SLC7A9: variants seen among roughly 807,000 people sequenced by gnomAD.
The protein encoded by SLC7A9 is B(0,+)-type amino acid transporter 1.
SLC7A9 carries 38 observed loss-of-function variants against 54.1 expected under a neutral mutation model. The observed-to-expected ratio is 0.70, with a 90% CI of 0.54 to 0.92. The LOEUF (loss-of-function observed/expected upper bound fraction) is 0.92. Among genes scored for constraint, SLC7A9 ranks in the 40% least tolerant of loss-of-function variants. The probability of loss-of-function intolerance (pLI) is 0.00; values close to 1 mark genes in which losing one functional copy is unlikely to be tolerated. For synonymous variants in SLC7A9, 264 were observed against 258.9 expected, an observed-to-expected ratio of 1.02 and a Z score of -0.19; for missense variants, 537 against 636.1, an observed-to-expected ratio of 0.84 and a Z score of 1.68.
chr19:32,846,760 G>A (rs1968309220), intron 9 of SLC7A9, among the ~76,000 whole-genome samples: 1 of 152,308 alleles, frequency 6.6e-6, no homozygotes, highest in Admixed American at 6.5e-5. Context: ...TAACTGGGAG[G>A]CAACCCCCCA....
intron 9 of SLC7A9, among the ~76,000 whole-genome samples, chr19:32,851,914 T>C (rs1469677798): frequency 6.6e-6 from 1 of 151,630 alleles, no homozygotes; most frequent in African/African-American, 2.4e-5. Flanking sequence ...AGCAAACTAT[T>C]GCAAGGACAA....
At chr19:32,830,730 C>T (rs902400582) in intron 12 of SLC7A9, 46 bp from the exon 13 acceptor site, 21 of 1,505,034 alleles carry the variant, frequency 1.4e-5, no homozygotes, top group South Asian at 1.2e-4. Context: ...GACTGAAATT[C>T]GAAAGTTTCA....
In SLC7A9 at chr19:32,852,184, T is replaced by TA. The variant is rs200269134; in HGVS notation, c.977+6255dup. Among the ~76,000 whole-genome samples, 473 of 150,668 alleles carry TA rather than the reference T, an allele frequency of 3.1e-3. 6 individuals carry two copies. The highest frequency in any genetic ancestry group is 0.011 in the African/African-American group (444 of 41,056). ...ACTTAAAGTGTAATAATAATAAAATTAAAAAAAAAGAAGAATTGATATCAG... is the reference window on the plus strand; with the variant it reads ...ACTTAAAGTGTAATAATAATAAAATTAAAAAAAAAAGAAGAATTGATATCAG... On this transcript the variant is annotated intron_variant, in intron 9 of 12. Transcript: ENST00000023064.
chr19:32,855,658 T>C (rs375094367), intron 9 of SLC7A9, among the ~76,000 whole-genome samples: 52 of 151,696 alleles, frequency 3.4e-4, no homozygotes, highest in East Asian at 5.8e-4. Flanking sequence ...GCCGAGATCA[T>C]GCCACTGCAC....
At chr19:32,865,096 G>T (rs557005959) in intron 2 of SLC7A9, among the ~76,000 whole-genome samples, 50 of 152,296 alleles carry the variant, frequency 3.3e-4, no homozygotes, top group African/African-American at 1.2e-3. Context: ...CCTGGCTCAG[G>T]TTCCACGTGC....
rs188844559 is a variant in SLC7A9 at position 32,853,312 on chromosome 19, G to A, written c.977+5128C>T. On this transcript the variant is annotated intron_variant, in intron 9 of 12. Transcript: ENST00000023064. The stretch of plus-strand genomic sequence containing the variant: ...TGCGGGTGAAAGCAGGGATTAATTA[G>A]GCAATGAGGAAACTTTTTGGGGTGA... Among the ~76,000 whole-genome samples the A allele has an allele frequency of 9.2e-5, 14 of 152,292 alleles. 1 individual carries two copies. The highest frequency in any genetic ancestry group is 1.4e-4 in the African/African-American group (6 of 41,564).
intron 12 of SLC7A9, among the ~76,000 whole-genome samples, chr19:32,832,039 A>G (rs7259264): frequency 0.6 from 91,549 of 151,664 alleles, 28,692 homozygotes; most frequent in East Asian, 0.82. Context: ...ATTTCGGGAG[A>G]CTGATGCAGG....
intron 10 of SLC7A9, among the ~76,000 whole-genome samples, chr19:32,843,563 T>C (rs1209213391): frequency 6.6e-6 from 1 of 152,180 alleles, no homozygotes; most frequent in African/African-American, 2.4e-5. Flanking sequence ...GGAAAATGTC[T>C]TGCTCTCCTT....
intron 11 of SLC7A9, among the ~76,000 whole-genome samples, chr19:32,838,181 C>T (rs527525387): frequency 1.8e-4 from 28 of 152,174 alleles, no homozygotes; most frequent in South Asian, 1.2e-3. Flanking sequence ...AATAAAAGGC[C>T]GCTTAATATA....
rs1441408988 is a variant in SLC7A9 at position 32,830,548 on chromosome 19, AAG to A, written c.*70_*71del. 4.5e-5 allele frequency: 52 copies of A among 1,165,004 alleles called. No individual in the cohort carries two copies. Among genetic ancestry groups the A allele is most frequent in the Middle Eastern group, 2.4e-4 (1 of 4,150 alleles). 72.2% of individuals were successfully genotyped at this position (1,165,004 alleles called of 1,614,324 possible). On this transcript the variant is annotated 3_prime_UTR_variant, in exon 13 of 13. Coordinates refer to ENST00000023064, the MANE Select transcript of SLC7A9 (RefSeq NM_014270.5). ...GAGTATATTTTATTCGTAAGAAAAA[AAG>A]GAAGAAATAACCACAAATATTGCTT...
At chr19:32,860,283 G>A (rs2145839491) in intron 7 of SLC7A9, 1 of 1,393,992 alleles carries the variant, frequency 7.2e-7, no homozygotes, top group Non-Finnish European at 9.3e-7. Flanking sequence ...CTGGCCGGGT[G>A]CAGTGGCTCA....
chr19:32,834,142 G>A (rs1166277396), intron 11 of SLC7A9, among the ~76,000 whole-genome samples: 1 of 152,144 alleles, frequency 6.6e-6, no homozygotes, highest in Admixed American at 6.6e-5. Context: ...TCCTGTGCGG[G>A]GCGGCAGGAA....
At chr19:32,859,814 C>T (rs773714812) in intron 8 of SLC7A9, 27 bp downstream of exon 8, 20 of 1,588,180 alleles carry the variant, frequency 1.3e-5, no homozygotes, top group Admixed American at 5.0e-5. Context: ...CCACAGCCCC[C>T]GCCAGCAGCG....
intron 11 of SLC7A9, among the ~76,000 whole-genome samples, chr19:32,839,396 T>C (rs1351359369): frequency 1.3e-4 from 19 of 151,878 alleles, no homozygotes; most frequent in Non-Finnish European, 1.5e-5. Flanking sequence ...CTACTAAAAA[T>C]ATAAAAATTA....
intron 11 of SLC7A9, among the ~76,000 whole-genome samples, chr19:32,840,671 CTGT>C (rs2145806963): frequency 6.6e-6 from 1 of 152,272 alleles, no homozygotes; most frequent in South Asian, 2.1e-4. Context: ...GTTTCTCTTG[CTGT>C]TGTCGTCAGT....
At chr19:32,864,926 C>A in intron 2 of SLC7A9, 150 bp from the exon 3 acceptor site, 1 of 939,506 alleles carries the variant, frequency 1.1e-6, no homozygotes. Context: ...CCTGGCAACA[C>A]CGGGGCACCG....
intron 9 of SLC7A9, among the ~76,000 whole-genome samples, chr19:32,856,019 G>C (rs558576027): frequency 6.6e-6 from 1 of 152,240 alleles, no homozygotes; most frequent in South Asian, 2.1e-4. Context: ...CATAGCAATA[G>C]AGAGTAGAAT....
intron 6 of SLC7A9, among the ~76,000 whole-genome samples, chr19:32,861,645 A>G (rs868845845): frequency 3.3e-5 from 5 of 152,118 alleles, no homozygotes; most frequent in Non-Finnish European, 5.9e-5. Flanking sequence ...GACTGTCTCT[A>G]CAAAGCATAA....
intron 9 of SLC7A9, among the ~76,000 whole-genome samples, chr19:32,853,424 G>A (rs987359780): frequency 3.9e-5 from 6 of 152,062 alleles, no homozygotes; most frequent in Admixed American, 3.3e-4. Flanking sequence ...CAAAGGGTGA[G>A]TTTTATATTT....
Sources: gnomAD v4.1 joint callset for allele counts (sites outside exome capture counted in the v4.1 genomes callset) on GRCh38, gnomAD v4.1.1 for gene constraint, MANE v1.5 for transcripts, NCBI Gene and HGNC (gene_info 2026-07-23, HGNC 2026-07-21) for gene names.